Variants in MS4A4A observed in about 807,000 individuals in gnomAD.
MS4A4A encodes the protein membrane spanning 4-domains A4A, also known as membrane-spanning 4-domains subfamily A member 4A.
MS4A4A carries 26 observed loss-of-function variants against 28.0 expected under a neutral mutation model. The ratio of observed to expected loss-of-function variants is 0.93; its 90% CI spans 0.68 to 1.29. MS4A4A has a LOEUF of 1.29. Ranked by LOEUF, MS4A4A falls within the 50% of genes most tolerant of loss-of-function variation. MS4A4A has a pLI of 0.00. For missense variants in MS4A4A, 290 were observed against 293.1 expected, an observed-to-expected ratio of 0.99 and a Z score of 0.08; for synonymous variants, 86 against 100.8, an observed-to-expected ratio of 0.85 and a Z score of 0.88.
At chr11:60,293,217 C>T (rs1012520179) in intron 2 of MS4A4A, among the ~76,000 whole-genome samples, 1 of 152,198 alleles carries the variant, frequency 6.6e-6, no homozygotes, top group South Asian at 2.1e-4. Flanking sequence ...GCCATCACAC[C>T]TGGCTAATTT....
chr11:60,290,603 CT>C (rs1427581358), intron 1 of MS4A4A, among the ~76,000 whole-genome samples: 1 of 151,554 alleles, frequency 6.6e-6, no homozygotes, highest in East Asian at 1.9e-4. Flanking sequence ...ATTTGTCTTT[CT>C]TTTTTAAAAG....
intron 2 of MS4A4A, 106 bp from the exon 3 acceptor site, chr11:60,297,091 C>T: frequency 7.6e-7 from 1 of 1,320,388 alleles, no homozygotes; most frequent in Non-Finnish European, 1.1e-6. Flanking sequence ...GGTCATATGA[C>T]TATCAAATGA....
In MS4A4A at chr11:60,282,695, C is replaced by A. The variant is rs556745546; in HGVS notation, c.41+1979C>A. The A allele has an allele frequency of 6.2e-5, 79 of 1,284,188 alleles. No homozygotes were observed. In the African/African-American group the frequency reaches 1.2e-3, roughly 19 times the overall value. The allele number at this position is 1,284,188 out of a possible 1,614,324, so 79.5% of individuals were successfully genotyped here. A position where few individuals can be genotyped will look rare whatever the true frequency, so the allele number is the denominator to read the frequency against. On this transcript the variant is annotated intron_variant, in intron 1 of 6. Coordinates refer to ENST00000337908, the MANE Select transcript of MS4A4A (RefSeq NM_148975.3). ...CGTCTTTGGAACAACTTAAATAAGT[C>A]AAATATACTTGGAGCTTTAAAAATT... is the stretch of plus-strand genomic sequence containing the variant.
chr11:60,307,232 C>G (rs751343621), intron 6 of MS4A4A, among the ~76,000 whole-genome samples: 2 of 152,208 alleles, frequency 1.3e-5, no homozygotes, highest in Non-Finnish European at 2.9e-5. Context: ...TTTTGCACCT[C>G]TTTGTCTTCT....
intron 1 of MS4A4A, 92 bp downstream of exon 1, chr11:60,280,808 T>C: frequency 6.8e-7 from 1 of 1,464,058 alleles, no homozygotes; most frequent in East Asian, 2.3e-5. Flanking sequence ...ATGAGAAGAA[T>C]AATGAGGCCA....
intron 4 of MS4A4A, 31 bp downstream of exon 4, chr11:60,301,088 A>C (rs1483429005): frequency 6.7e-7 from 1 of 1,501,758 alleles, no homozygotes; most frequent in East Asian, 2.3e-5. Flanking sequence ...TTGGTATCAA[A>C]AAAAGGAAGG....
intron 1 of MS4A4A, among the ~76,000 whole-genome samples, chr11:60,290,475 G>A (rs929175583): frequency 8.6e-5 from 13 of 151,942 alleles, no homozygotes; most frequent in Admixed American, 3.3e-4. Flanking sequence ...AATTGTTTTC[G>A]GAACTTTTCT....
chr11:60,296,760 C>G (rs140198722), intron 2 of MS4A4A: 17 of 217,582 alleles, frequency 7.8e-5, no homozygotes, highest in African/African-American at 3.1e-4. Flanking sequence ...TCCTCATACC[C>G]CAGACTTCAA....
At chr11:60,289,041 C>A (rs755386429) in intron 1 of MS4A4A, among the ~76,000 whole-genome samples, 2 of 152,102 alleles carry the variant, frequency 1.3e-5, no homozygotes, top group Non-Finnish European at 2.9e-5. Context: ...TAGACAGCAG[C>A]AGTTTGGCTC....
At chr11:60,308,016 A>C (rs1374778740) in intron 6 of MS4A4A, 91 bp from the exon 7 acceptor site, 1 of 1,114,432 alleles carries the variant, frequency 9.0e-7, no homozygotes, top group Non-Finnish European at 1.4e-6. Flanking sequence ...GAAAAGAGTA[A>C]ACTCTGATAA....
intron 2 of MS4A4A, 48 bp from the exon 3 acceptor site, chr11:60,297,148 AC>A: frequency 6.2e-7 from 1 of 1,608,068 alleles, no homozygotes. Context: ...TGGCGGAAGC[AC>A]CATTTTTGTG....
At chr11:60,284,689 G>A (rs1384156314) in intron 1 of MS4A4A, among the ~76,000 whole-genome samples, 1 of 152,138 alleles carries the variant, frequency 6.6e-6, no homozygotes, top group East Asian at 1.9e-4. Context: ...TAATGATAAT[G>A]GAGTTTATGA....
intron 4 of MS4A4A, among the ~76,000 whole-genome samples, chr11:60,301,527 G>C (rs2084952640): frequency 6.6e-6 from 1 of 152,186 alleles, no homozygotes; most frequent in Non-Finnish European, 1.5e-5. Flanking sequence ...CTCATGCCAA[G>C]ATGCCTTTCA....
At chr11:60,284,662 T>G (rs2135009152) in intron 1 of MS4A4A, among the ~76,000 whole-genome samples, 1 of 152,330 alleles carries the variant, frequency 6.6e-6, no homozygotes, top group Middle Eastern at 3.4e-3. Context: ...CTCCTCTTCC[T>G]CTTGCAGTCT....
At position 60,301,041 on chromosome 11, in the gene MS4A4A, G is replaced by A. The variant is rs1280403635; in HGVS notation, c.371G>A (p.Arg124Lys). The A allele has an allele frequency of 6.3e-7, 1 of 1,599,882 alleles. No homozygotes were observed. The highest frequency in any genetic ancestry group is 8.5e-7 in the Non-Finnish European group (1 of 1,175,428). ...TCCTTGTCAATTGCAGCAGGAATTAGAACTACAAAAGGCCTGGTGAGTAAT... is the reference window on the plus strand; with the variant it reads ...TCCTTGTCAATTGCAGCAGGAATTAAAACTACAAAAGGCCTGGTGAGTAAT... ...SGSLSIAAGIRTTKGLVRGSL... is the reference protein window; with the variant it reads ...SGSLSIAAGIKTTKGLVRGSL... The change falls in exon 4 of 7, where the codon AGA becomes AAA. Residue 124 changes from arginine to lysine, a missense_variant. Coordinates refer to ENST00000337908, the MANE Select transcript of MS4A4A (RefSeq NM_148975.3).
chr11:60,283,663 A>G (rs183105551), intron 1 of MS4A4A, among the ~76,000 whole-genome samples: 15 of 152,196 alleles, frequency 9.9e-5, no homozygotes, highest in Non-Finnish European at 1.5e-4. Flanking sequence ...TAAATTGTCA[A>G]TTTATGGGCT....
In MS4A4A at chr11:60,297,965, T is replaced by C. The variant is rs567631393; in HGVS notation, c.330+640T>C. On this transcript the variant is annotated intron_variant, in intron 3 of 6. Transcript: ENST00000337908. ...CTACTGACTATCGAAACTCAGGAAATTGTTACCTCAGAAAATGAAAATGTT... is the reference window on the plus strand; with the variant it reads ...CTACTGACTATCGAAACTCAGGAAACTGTTACCTCAGAAAATGAAAATGTT... Among the ~76,000 whole-genome samples, 3 of 152,138 alleles carry C rather than the reference T, an allele frequency of 2.0e-5. No individual in the cohort carries two copies. The East Asian group carries it at 5.8e-4, about 29-fold the overall frequency.
intron 5 of MS4A4A, among the ~76,000 whole-genome samples, chr11:60,303,370 G>A (rs1159589436): frequency 6.6e-6 from 1 of 152,150 alleles, no homozygotes; most frequent in African/African-American, 2.4e-5. Context: ...AAAAGTTATT[G>A]CAGCACATCA....
intron 5 of MS4A4A, among the ~76,000 whole-genome samples, chr11:60,303,036 C>T (rs914896792): frequency 6.6e-6 from 1 of 152,054 alleles, no homozygotes; most frequent in Non-Finnish European, 1.5e-5. Flanking sequence ...GTACTGTTAT[C>T]CCCTCTAAAA....
Sources: gnomAD v4.1 joint callset for allele counts (sites outside exome capture counted in the v4.1 genomes callset) on GRCh38, gnomAD v4.1.1 for gene constraint, MANE v1.5 for transcripts, NCBI Gene and HGNC (gene_info 2026-07-23, HGNC 2026-07-21) for gene names.